SLC44A4: variants seen among roughly 807,000 people sequenced by gnomAD.
The protein encoded by SLC44A4 is choline transporter-like protein 4.
A neutral mutation model predicts 97.0 loss-of-function variants in SLC44A4; 74 were observed. That is an observed-to-expected ratio of 0.76 (90% CI 0.63 to 0.93). SLC44A4 has a LOEUF of 0.93. Among genes scored for constraint, SLC44A4 ranks in the 40% least tolerant of loss-of-function variants. SLC44A4 has a pLI of 0.00. For synonymous variants in SLC44A4, 325 were observed against 363.8 expected, an observed-to-expected ratio of 0.89 and a Z score of 1.21; for missense variants, 799 against 902.9, an observed-to-expected ratio of 0.88 and a Z score of 1.48.
chr6:31,875,980 G>A (rs1755252592), intron 3 of SLC44A4, 50 bp from the exon 4 acceptor site: 5 of 1,612,162 alleles, frequency 3.1e-6, no homozygotes, highest in South Asian at 2.2e-5. Context: ...ACTTAGTGGG[G>A]CAGTTATGGG....
In SLC44A4 at chr6:31,875,043, G is replaced by A. The variant is rs573348969; in HGVS notation, c.243-15C>T. On this transcript the variant is annotated splice_polypyrimidine_tract_variant and intron_variant, in intron 4 of 20. Coordinates refer to ENST00000229729, the MANE Select transcript of SLC44A4 (RefSeq NM_025257.3). ...ACGGCTTATCTCTGTGGGAGGGGAGGGACCATGTGCATCAGGGCCTGGTCA... is the reference window on the plus strand; with the variant it reads ...ACGGCTTATCTCTGTGGGAGGGGAGAGACCATGTGCATCAGGGCCTGGTCA... 3 of 1,602,246 alleles carry A rather than the reference G, an allele frequency of 1.9e-6. No homozygotes were observed. In the Admixed American group the frequency reaches 5.0e-5, roughly 27 times the overall value.
chr6:31,863,861 C>CG (rs1332622490), intron 20 of SLC44A4, 113 bp from the exon 21 acceptor site: 23 of 1,420,196 alleles, frequency 1.6e-5, no homozygotes, highest in Admixed American at 6.6e-5. Context: ...CCCTTACCCC[C>CG]GGGCAGGTTA....
intron 13 of SLC44A4, among the ~76,000 whole-genome samples, 170 bp from the exon 14 acceptor site, chr6:31,866,296 A>G (rs571080776): frequency 3.3e-5 from 5 of 152,216 alleles, no homozygotes; most frequent in Admixed American, 3.3e-4. Flanking sequence ...TCCAGGCTCA[A>G]ACTCAGTTTG....
chr6:31,865,530 T>A lies in SLC44A4; in HGVS notation c.1654A>T (p.Ile552Phe). 6.2e-7 allele frequency: 1 copy of A among 1,600,630 alleles called. No individual in the cohort carries two copies. Among genetic ancestry groups the A allele is most frequent in the Non-Finnish European group, 8.5e-7 (1 of 1,170,476 alleles). ...TATGCATTGCGGTTTAGGAACTTGA[T>A]AAATTTTTCCAGACACCAGAGGCAG... Reference protein sequence around the residue: ...KCCLWCLEKFIKFLNRNAYIM... With the variant: ...KCCLWCLEKFFKFLNRNAYIM... The change falls in exon 16 of 21, where the codon ATC becomes TTC. Residue 552 changes from isoleucine to phenylalanine, a missense_variant. Ile to Phe is a conservative substitution (Grantham distance 21, BLOSUM62 0). Transcript: ENST00000229729. The surrounding 1 kb of genome is among the most constrained non-coding windows in gnomAD (Gnocchi z 5.2).
chr6:31,875,719 T>C, intron 4 of SLC44A4, 133 bp downstream of exon 4: 1 of 776,658 alleles, frequency 1.3e-6, no homozygotes, highest in Non-Finnish European at 2.1e-6. Context: ...TCAGGGAGGC[T>C]GAGGTGGGGT....
rs887511535 is a variant in SLC44A4 at position 31,865,002 on chromosome 6, T to A, written c.1831+8A>T. 6.2e-7 allele frequency: 1 copy of A among 1,613,828 alleles called. No individual in the cohort carries two copies. The highest frequency in any genetic ancestry group is 8.5e-7 in the Non-Finnish European group (1 of 1,180,028). ...TACCCTCTGTCCCCACAGCTTCTGG[T>A]CCCTTACCCACGCCTCCGACCACCA... On this transcript the variant is annotated splice_region_variant and intron_variant, in intron 18 of 20. Transcript: ENST00000229729. The surrounding 1 kb of genome is among the most constrained non-coding windows in gnomAD (Gnocchi z 5.2).
chr6:31,875,989 G>A lies in SLC44A4; in HGVS notation c.164-59C>T. The A allele has an allele frequency of 3.1e-6, 5 of 1,612,496 alleles. No homozygotes were observed. The South Asian group carries it at 4.4e-5, about 14-fold the overall frequency. ...GCAGGGACTTAGTGGGGCAGTTATG[G>A]GAATGGTCCCTCCCTGGGTTCCTGT... On this transcript the variant is annotated intron_variant, in intron 3 of 20. Coordinates refer to ENST00000229729, the MANE Select transcript of SLC44A4 (RefSeq NM_025257.3).
intron 20 of SLC44A4, among the ~76,000 whole-genome samples, chr6:31,863,985 C>A (rs1285324208): frequency 1.3e-5 from 2 of 152,006 alleles, no homozygotes; most frequent in Non-Finnish European, 1.5e-5. Context: ...GACTGGCAAA[C>A]CCTGAATGGA....
chr6:31,876,264 T>A lies in SLC44A4; in HGVS notation c.90-135A>T. 1.5e-6 allele frequency: 1 copy of A among 646,818 alleles called. No individual in the cohort carries two copies. Among genetic ancestry groups the A allele is most frequent in the Non-Finnish European group, 2.6e-6 (1 of 380,910 alleles). 40.1% of individuals were successfully genotyped at this position (646,818 alleles called of 1,614,324 possible). A position where few individuals can be genotyped will look rare whatever the true frequency, so the allele number is the denominator to read the frequency against. ...TCAGTAGGCTTTATTTTTATTTTTT[T>A]ATTGCTTTTACTTTTTTATTTTGAG... On this transcript the variant is annotated intron_variant, in intron 2 of 20. Coordinates refer to ENST00000229729, the MANE Select transcript of SLC44A4 (RefSeq NM_025257.3). This position sits in a 1 kb window ranked among gnomAD's most constrained non-coding sequence, Gnocchi z 4.8.
In SLC44A4 at chr6:31,865,240, C is replaced by T; in HGVS notation, c.1760+75G>A. ...ACTAAGTCTAGGGCCCGACTGAGCA[C>T]AGCACACCCACGAAGCCAGCCTTGG... On this transcript the variant is annotated intron_variant, in intron 17 of 20. Coordinates refer to ENST00000229729, the MANE Select transcript of SLC44A4 (RefSeq NM_025257.3). The surrounding 1 kb of genome is among the most constrained non-coding windows in gnomAD (Gnocchi z 5.2). 1.3e-6 allele frequency: 2 copies of T among 1,575,684 alleles called. No homozygotes were observed. Among genetic ancestry groups the T allele is most frequent in the Non-Finnish European group, 8.7e-7 (1 of 1,145,250 alleles).
At position 31,878,841 on chromosome 6, in the gene SLC44A4, TCTC is replaced by T; in HGVS notation, c.40+97_40+99del. On this transcript the variant is annotated intron_variant, in intron 1 of 20. Transcript: ENST00000229729. The surrounding 1 kb of genome is among the most constrained non-coding windows in gnomAD (Gnocchi z 4.0). ...GGCCCTCCCCTCAGGGACACAGTAC[TCTC>T]CTTAGTTCCTCTCCCTGGAGCCAGC... is the stretch of plus-strand genomic sequence containing the variant. 1 of 1,358,684 alleles carries T rather than the reference TCTC, an allele frequency of 7.4e-7. No individual in the cohort carries two copies. Among genetic ancestry groups the T allele is most frequent in the Non-Finnish European group, 1.1e-6 (1 of 950,124 alleles). 84.2% of individuals were successfully genotyped at this position (1,358,684 alleles called of 1,614,324 possible). A position where few individuals can be genotyped will look rare whatever the true frequency, so the allele number is the denominator to read the frequency against.
intron 13 of SLC44A4, 129 bp from the exon 14 acceptor site, chr6:31,866,255 C>A (rs939193375): frequency 5.7e-6 from 7 of 1,222,332 alleles, no homozygotes; most frequent in Non-Finnish European, 7.9e-6. Flanking sequence ...CTCTGGACTG[C>A]GGGAATCAAG....
intron 9 of SLC44A4, 38 bp from the exon 10 acceptor site, chr6:31,871,085 C>G (rs1019404582): frequency 3.9e-6 from 6 of 1,550,544 alleles, no homozygotes; most frequent in Non-Finnish European, 5.3e-6. Flanking sequence ...TCAGCCCTAG[C>G]CCCTCAAATC....
intron 13 of SLC44A4, among the ~76,000 whole-genome samples, chr6:31,868,253 A>G (rs1159016742): frequency 1.3e-5 from 2 of 152,082 alleles, no homozygotes; most frequent in Non-Finnish European, 2.9e-5. Flanking sequence ...GGAACCTCAC[A>G]GGGGAATTTT....
In SLC44A4 at chr6:31,863,709, G is replaced by C. The variant is rs1562438699; in HGVS notation, c.2051C>G (p.Pro684Arg). The C allele has an allele frequency of 6.2e-7, 1 of 1,612,718 alleles. No individual in the cohort carries two copies. The highest frequency in any genetic ancestry group is 8.5e-7 in the Non-Finnish European group (1 of 1,179,916). ...TAGAAGGCTCTTGGACATGTAGTAG[G>C]GCCGGTCCAGGGAGCCGTTGTTCCG... is the stretch of plus-strand genomic sequence containing the variant. ...LERNNGSLDR[P>R]YYMSKSLLKI... Residue 684 changes from proline to arginine, a missense_variant, in exon 21 of 21, where the codon CCC becomes CGC. Around this residue, in one of 3 missense-constraint regions of SLC44A4, gnomAD observed 379 missense variants for 438.3 expected, o/e 0.86. Transcript: ENST00000229729.
At chr6:31,863,773 G>C in intron 20 of SLC44A4, 25 bp from the exon 21 acceptor site, 1 of 1,611,782 alleles carries the variant, frequency 6.2e-7, no homozygotes, top group Non-Finnish European at 8.5e-7. Flanking sequence ...AGACCGGTTA[G>C]AGCGGACCCT....
chr6:31,876,033 G>T lies in SLC44A4; in HGVS notation c.163+23C>A. ...TTCCTGTCCCTCACCCACTGCCCTG[G>T]CTCTGAGCAGCTGGAAACTCACCCA... On this transcript the variant is annotated intron_variant, in intron 3 of 20. Transcript: ENST00000229729. This position sits in a 1 kb window ranked among gnomAD's most constrained non-coding sequence, Gnocchi z 4.8. 1 of 1,613,704 alleles carries T rather than the reference G, an allele frequency of 6.2e-7. No homozygotes were observed. Among genetic ancestry groups the T allele is most frequent in the South Asian group, 1.1e-5 (1 of 91,082 alleles).
rs556544717 is a variant in SLC44A4, at chr6:31,878,477, T to C, written c.40+464A>G. ...GGCAGACCACAAGCAGCTTTCGCCC[T>C]CAGAGACCCAGACTCCAGGCTGAAC... On this transcript the variant is annotated intron_variant, in intron 1 of 20. Coordinates refer to ENST00000229729, the MANE Select transcript of SLC44A4 (RefSeq NM_025257.3). This position sits in a 1 kb window ranked among gnomAD's most constrained non-coding sequence, Gnocchi z 4.0. Among the ~76,000 whole-genome samples, 1 of 152,116 alleles carries C rather than the reference T, an allele frequency of 6.6e-6. No individual in the cohort carries two copies. The highest frequency in any genetic ancestry group is 6.5e-5 in the Admixed American group (1 of 15,286).
At chr6:31,873,704 C>T (rs1763294097) in intron 7 of SLC44A4, among the ~76,000 whole-genome samples, 1 of 151,490 alleles carries the variant, frequency 6.6e-6, no homozygotes, top group Admixed American at 6.6e-5. Flanking sequence ...CAACTGTGAT[C>T]CTACCACCCA....
Sources: gnomAD v4.1 joint callset for allele counts (sites outside exome capture counted in the v4.1 genomes callset) on GRCh38, gnomAD v4.1.1 for gene constraint, gnomAD v4.1.1 regional missense constraint, Gnocchi (gnomAD v3.1) non-coding constraint, MANE v1.5 for transcripts, NCBI Gene and HGNC (gene_info 2026-07-23, HGNC 2026-07-21) for gene names.